OR6J1: variants seen among roughly 807,000 people sequenced by gnomAD.
OR6J1 encodes the protein olfactory receptor 6J1.
For synonymous variants in OR6J1, 109 were observed against 70.0 expected (o/e 1.56, Z -2.78); for missense variants, 304 against 166.8 (o/e 1.82, Z -4.53).
At chr14:22,641,408 T>TGGAA (rs1203556278) in intron 1 of OR6J1, among the ~76,000 whole-genome samples, 29,479 of 62,286 alleles carry the variant, frequency 0.47, 4,304 homozygotes, top group African/African-American at 0.57. Flanking sequence ...AAAGGAAGGA[T>TGGAA]GGAAGGAAGG....
At chr14:22,643,463 T>C (rs2037665876) in intron 1 of OR6J1, among the ~76,000 whole-genome samples, 1 of 150,150 alleles carries the variant, frequency 6.7e-6, no homozygotes, top group Non-Finnish European at 1.5e-5. Flanking sequence ...GCCCGGCCAA[T>C]TTTTGTATTT....
chr14:22,637,628 G>GT (rs2139294241), intron 1 of OR6J1, among the ~76,000 whole-genome samples: 1 of 77,084 alleles, frequency 1.3e-5, no homozygotes, highest in East Asian at 3.6e-4. Context: ...CATCCGGGAG[G>GT]GAGGTGGGGG....
At chr14:22,636,229 T>C (rs867432238) in intron 1 of OR6J1, among the ~76,000 whole-genome samples, 6 of 338 alleles carry the variant, frequency 0.018, 1 homozygote, top group Admixed American at 0.075. Context: ...ACTAGCGCCC[T>C]CTCCCTCTCC....
At position 22,640,258 on chromosome 14, in the gene OR6J1, C is replaced by CAAGG. The variant is rs537492759; in HGVS notation, c.-28+3836_-28+3839dup. Among the ~76,000 whole-genome samples the CAAGG allele has an allele frequency of 4.2e-3, 335 of 79,608 alleles. 6 individuals carry two copies. The highest frequency in any genetic ancestry group is 0.023 in the Middle Eastern group (2 of 86). The allele number at this position is 79,608 out of a possible 152,430, so 52.2% of individuals were successfully genotyped here. On this transcript the variant is annotated intron_variant, in intron 1 of 1. Coordinates refer to ENST00000540461, the MANE Select transcript of OR6J1 (RefSeq NM_001348233.2). ...GGAAGGATGGAAGGAAGGAAGGAAGCAAGGAAGGAAGGAAGGAAGGAAGGA... is the reference window on the plus strand; with the variant it reads ...GGAAGGATGGAAGGAAGGAAGGAAGCAAGGAAGGAAGGAAGGAAGGAAGGAAGGA...
intron 1 of OR6J1, among the ~76,000 whole-genome samples, chr14:22,637,685 G>A: frequency 1.2e-5 from 1 of 80,778 alleles, no homozygotes; most frequent in East Asian, 3.1e-4. Context: ...AGGGAGGTGG[G>A]GGGGGTCAGC....
At chr14:22,643,764 C>CACACACACACACAGAGAG (rs1466950724) in intron 1 of OR6J1, among the ~76,000 whole-genome samples, 1 of 37,650 alleles carries the variant, frequency 2.7e-5, no homozygotes, top group Admixed American at 5.9e-4. Context: ...CACACACACA[C>CACACACACACACAGAGAG]AGAGAGAGAG....
chr14:22,637,158 A>T (rs1242259331), intron 1 of OR6J1, among the ~76,000 whole-genome samples: 3 of 110,158 alleles, frequency 2.7e-5, no homozygotes, highest in Admixed American at 7.8e-5. Flanking sequence ...CTGAGAAGTG[A>T]GGAAACCCTC....
Position 22,633,559 on chromosome 14 carries a change from G to A in OR6J1, c.*209C>T. 1 of 535,310 alleles carries A rather than the reference G, an allele frequency of 1.9e-6. No homozygotes were observed. 33.2% of individuals were successfully genotyped at this position (535,310 alleles called of 1,614,324 possible). A position where few individuals can be genotyped will look rare whatever the true frequency, so the allele number is the denominator to read the frequency against. ...CATTCTTACAATATTCAGTGTGGAT[G>A]GGGCTTAGAGATCATCAAGTCCAGC... On this transcript the variant is annotated 3_prime_UTR_variant, in exon 2 of 2. Transcript: ENST00000540461.
At chr14:22,641,102 C>T (rs2037641318) in intron 1 of OR6J1, among the ~76,000 whole-genome samples, 1 of 150,304 alleles carries the variant, frequency 6.7e-6, no homozygotes, top group African/African-American at 2.4e-5. Context: ...CCAGGAGCTT[C>T]AGTGAGCCAT....
chr14:22,637,618 C>T (rs1363909041), intron 1 of OR6J1, among the ~76,000 whole-genome samples: 6 of 66,238 alleles, frequency 9.1e-5, no homozygotes, highest in Non-Finnish European at 1.5e-4. Flanking sequence ...CCAGCCGCCC[C>T]ATCCGGGAGG....
At chr14:22,639,568 A>G (rs1258432150) in intron 1 of OR6J1, among the ~76,000 whole-genome samples, 1 of 128,744 alleles carries the variant, frequency 7.8e-6, no homozygotes, top group Non-Finnish European at 1.6e-5. Flanking sequence ...GAAAAGATTG[A>G]GAAATCGGAT....
intron 1 of OR6J1, among the ~76,000 whole-genome samples, chr14:22,638,094 C>T (rs1428818892): frequency 3.3e-5 from 3 of 92,240 alleles, no homozygotes; most frequent in Non-Finnish European, 6.2e-5. Context: ...TCTGCCCGGC[C>T]GCCCCTACTG....
chr14:22,640,373 G>T (rs948882931), intron 1 of OR6J1, among the ~76,000 whole-genome samples: 8 of 150,112 alleles, frequency 5.3e-5, no homozygotes, highest in Admixed American at 2.0e-4. Flanking sequence ...GGGGAAAAAA[G>T]AGAAGGAGGG....
rs1462300031 is a variant in OR6J1, at chr14:22,634,707, C to A, written c.105G>T (p.Leu35=). Reference sequence around the variant, plus strand: ...TGAGCAGGTTCCCCAGAAGAGTCAGCAGGAACGTGGGCAGCAGGAGCACCA... The same window carrying A: ...TGAGCAGGTTCCCCAGAAGAGTCAGAAGGAACGTGGGCAGCAGGAGCACCA... The part of the protein sequence containing the change: ...LLLVLLLPTF[L]LTLLGNLLII... The change falls in exon 2 of 2, where the codon CTG becomes CTT. Residue 35 remains leucine, a synonymous_variant. Coordinates refer to ENST00000540461, the MANE Select transcript of OR6J1 (RefSeq NM_001348233.2). 1 of 721,870 alleles carries A rather than the reference C, an allele frequency of 1.4e-6. No individual in the cohort carries two copies. Among genetic ancestry groups the A allele is most frequent in the Non-Finnish European group, 2.5e-6 (1 of 393,480 alleles). The allele number at this position is 721,870 out of a possible 1,614,324, so 44.7% of individuals were successfully genotyped here. A position where few individuals can be genotyped will look rare whatever the true frequency, so the allele number is the denominator to read the frequency against.
In OR6J1 at chr14:22,633,501, G is replaced by T; in HGVS notation, c.*267C>A. ...AAAGAAATGGGGCCAAACATGTTAG[G>T]ACTTTAGGAGGAAATAGGCTGCATG... On this transcript the variant is annotated 3_prime_UTR_variant, in exon 2 of 2. Coordinates refer to ENST00000540461, the MANE Select transcript of OR6J1 (RefSeq NM_001348233.2). 2 of 404,032 alleles carry T rather than the reference G, an allele frequency of 5.0e-6. No individual in the cohort carries two copies. Among genetic ancestry groups the T allele is most frequent in the Admixed American group, 4.1e-5 (1 of 24,390 alleles). The allele number at this position is 404,032 out of a possible 1,614,324, so 25.0% of individuals were successfully genotyped here.
At chr14:22,641,477 AAGGAAGGAAGGAAGG>A (rs1341196110) in intron 1 of OR6J1, among the ~76,000 whole-genome samples, 1 of 32,558 alleles carries the variant, frequency 3.1e-5, no homozygotes, top group Non-Finnish European at 7.0e-5. Context: ...AAAAGAAAGA[AAGGAAGGAAGGAAGG>A]AGGGAGGGAG....
chr14:22,634,946 C>T (rs1418198636), intron 1 of OR6J1, 108 bp from the exon 2 acceptor site: 13 of 570,564 alleles, frequency 2.3e-5, no homozygotes, highest in Admixed American at 6.5e-5. Flanking sequence ...GCCAGCTAGA[C>T]GTGTAATGCA....
At position 22,634,425 on chromosome 14, in the gene OR6J1, CA is replaced by C. The variant is rs1566394238; in HGVS notation, c.386del (p.Leu129ArgfsTer7). 2.8e-6 allele frequency: 2 copies of C among 703,356 alleles called. No homozygotes were observed. Among genetic ancestry groups the C allele is most frequent in the Non-Finnish European group, 5.2e-6 (2 of 384,958 alleles). The allele number at this position is 703,356 out of a possible 1,614,324, so 43.6% of individuals were successfully genotyped here. On this transcript the variant is annotated frameshift_variant, in exon 2 of 2. Coordinates refer to ENST00000540461, the MANE Select transcript of OR6J1 (RefSeq NM_001348233.2). LOFTEE classifies it low-confidence loss of function (END_TRUNC). ...YDRYATICCPLRYTTIMRPSV... is the reference protein window; with the variant it reads ...YDRYATICCPXRYTTIMRPSV... ...AAGGTCTCATGATGGTGGTGTACCG[CA>C]GGGGGCAGCAGATGGTGGCATAACG...
At chr14:22,634,909 A>G (rs902827124) in intron 1 of OR6J1, 71 bp from the exon 2 acceptor site, 1 of 590,394 alleles carries the variant, frequency 1.7e-6, no homozygotes, top group Non-Finnish European at 3.0e-6. Context: ...GCTCACTAGA[A>G]AAATATGAAC....
Sources: allele counts gnomAD v4.1 joint callset (sites outside exome capture counted in the v4.1 genomes callset), GRCh38; gene constraint gnomAD v4.1.1; transcripts MANE v1.5; gene names NCBI Gene and HGNC (gene_info 2026-07-23, HGNC 2026-07-21).